The following MACF1 variants were observed in gnomAD, a reference collection of about 807,000 sequenced individuals.
The protein encoded by MACF1 is microtubule actin crosslinking factor 1, also known as microtubule-actin cross-linking factor 1.
In MACF1, 193 loss-of-function variants were observed where a neutral mutation model predicts 854.8. That is an observed-to-expected ratio of 0.23 (90% CI 0.20 to 0.25). The LOEUF is 0.25. Ranked by LOEUF, MACF1 falls within the 10% of genes least tolerant of loss-of-function variation. The pLI, the probability that MACF1 is intolerant of heterozygous loss-of-function variation, is 1.00. For missense variants in MACF1, 7,722 were observed against 8,929.1 expected, an observed-to-expected ratio of 0.86 and a Z score of 5.45; for synonymous variants, 3,185 against 3,226.7, an observed-to-expected ratio of 0.99 and a Z score of 0.44.
chr1:39,247,753 C>T lies in MACF1; in HGVS notation c.172-2261C>T, dbSNP rs983630936. 1.2e-3 allele frequency among the ~76,000 whole-genome samples: 182 copies of T among 152,248 alleles called. 1 individual carries two copies. Among genetic ancestry groups the T allele is most frequent in the Non-Finnish European group, 1.5e-4 (10 of 68,016 alleles). On this transcript the variant is annotated intron_variant, in intron 2 of 100. Coordinates refer to ENST00000564288, the MANE Select transcript of MACF1 (RefSeq NM_001394062.1). ...TGCAGATTAAATTTAAAAGTGTGGG[C>T]CGGGTGTGGTGGCTCACGCCTGTAA... is the stretch of plus-strand genomic sequence containing the variant.
intron 98 of MACF1, 142 bp downstream of exon 98, chr1:39,480,151 A>C (rs896715581): frequency 1.4e-5 from 10 of 721,280 alleles, no homozygotes; most frequent in African/African-American, 5.2e-5. Context: ...ATAAAACGTG[A>C]AAACACACAG....
At chr1:39,163,879 T>C (rs929812907) in intron 2 of MACF1, among the ~76,000 whole-genome samples, 12 of 152,234 alleles carry the variant, frequency 7.9e-5, no homozygotes, top group African/African-American at 2.4e-4. Context: ...GACTACATTG[T>C]CCTTATAGAA....
chr1:39,192,764 T>A (rs1247544922), intron 2 of MACF1, among the ~76,000 whole-genome samples: 1 of 152,250 alleles, frequency 6.6e-6, no homozygotes, highest in Non-Finnish European at 1.5e-5. Context: ...TATTGTGACA[T>A]CTTTGTATAT....
chr1:39,143,500 G>A (rs2148187180), intron 2 of MACF1, among the ~76,000 whole-genome samples: 1 of 152,260 alleles, frequency 6.6e-6, no homozygotes, highest in Non-Finnish European at 1.5e-5. Context: ...TGAGGTAAGG[G>A]CTCAAGGATT....
chr1:39,172,212 A>C (rs1306531408), intron 2 of MACF1, among the ~76,000 whole-genome samples: 2 of 152,208 alleles, frequency 1.3e-5, no homozygotes, highest in Admixed American at 6.5e-5. Flanking sequence ...TTGCAAAATA[A>C]GACCATGTTA....
intron 63 of MACF1, 50 bp downstream of exon 63, chr1:39,428,337 T>C (rs1286252782): frequency 1.4e-6 from 2 of 1,462,850 alleles, no homozygotes; most frequent in Non-Finnish European, 1.8e-6. Flanking sequence ...TATTTTGTTA[T>C]TTTGATTCAT....
intron 2 of MACF1, among the ~76,000 whole-genome samples, chr1:39,104,749 T>C (rs1642176525): frequency 6.6e-6 from 1 of 152,224 alleles, no homozygotes; most frequent in South Asian, 2.1e-4. Flanking sequence ...CTTGTTCAGC[T>C]TCTTCTGTTT....
chr1:39,393,188 A>AT (rs1365389099), intron 58 of MACF1, among the ~76,000 whole-genome samples: 3 of 88,220 alleles, frequency 3.4e-5, no homozygotes, highest in African/African-American at 1.9e-4. Context: ...GGGTAAAAAA[A>AT]AAAAAAAAAT....
intron 2 of MACF1, among the ~76,000 whole-genome samples, chr1:39,101,721 G>A (rs565845339): frequency 8.6e-5 from 13 of 151,462 alleles, no homozygotes; most frequent in African/African-American, 2.9e-4. Context: ...CTACTCGGGA[G>A]GCTGAGGCAG....
intron 2 of MACF1, among the ~76,000 whole-genome samples, chr1:39,109,964 C>G (rs974530096): frequency 5.3e-5 from 8 of 151,850 alleles, no homozygotes; most frequent in Admixed American, 2.0e-4. Flanking sequence ...ATTTCTTTTC[C>G]CCTTATTATG....
chr1:39,347,037 C>T lies in MACF1; in HGVS notation c.10642C>T (p.Gln3548Ter). 1 of 1,614,088 alleles carries T rather than the reference C, an allele frequency of 6.2e-7. No individual in the cohort carries two copies. Residue 3548 changes from glutamine (Q) to a stop codon, truncating the protein, a stop_gained, in exon 41 of 101, where the codon CAG (glutamine) becomes TAG (stop). Transcript: ENST00000564288. LOFTEE classifies it high-confidence loss of function. Reference protein sequence around the residue: ...AQLDALAFDIQFFISEHAQDL... With the variant: ...AQLDALAFDI ...GCTGGATGCTCTTGCTTTTGATATT[C>T]AGTTCTTTATCTCAGAACATGCCCA...
At chr1:39,259,897 G>A (rs1316459452) in intron 6 of MACF1, among the ~76,000 whole-genome samples, 2 of 152,160 alleles carry the variant, frequency 1.3e-5, no homozygotes, top group Admixed American at 1.3e-4. Context: ...GATTACAGGC[G>A]TGAGCCACCG....
intron 2 of MACF1, among the ~76,000 whole-genome samples, chr1:39,194,655 T>C (rs535867535): frequency 7.9e-5 from 12 of 151,836 alleles, no homozygotes; most frequent in Admixed American, 4.6e-4. Flanking sequence ...AAGTGGAATT[T>C]CTTTCTCCCT....
rs769666765 is a variant in MACF1, at chr1:39,285,648, A to G, written c.1398A>G (p.Ser466=). The G allele has an allele frequency of 6.2e-7, 1 of 1,614,086 alleles. No homozygotes were observed. Among genetic ancestry groups the G allele is most frequent in the East Asian group, 2.2e-5 (1 of 44,870 alleles). ...CAGGACAACCGGTACAATGTGAGTC[A>G]GATGTCATTATGTACATTCAGGAGT... ...LESGQPVQCE[S]DVIMYIQECE... The change falls in exon 14 of 101, where the codon TCA becomes TCG. Residue 466 remains serine, a synonymous_variant. Coordinates refer to ENST00000564288, the MANE Select transcript of MACF1 (RefSeq NM_001394062.1).
intron 2 of MACF1, among the ~76,000 whole-genome samples, chr1:39,162,816 C>T (rs1030013834): frequency 2.6e-5 from 4 of 152,058 alleles, no homozygotes; most frequent in African/African-American, 7.2e-5. Context: ...TTTCTAAAGG[C>T]GGGAACTGTG....
chr1:39,210,845 C>A (rs186575431), intron 1 of MACF1, among the ~76,000 whole-genome samples: 1 of 152,144 alleles, frequency 6.6e-6, no homozygotes, highest in East Asian at 1.9e-4. Context: ...TTTATCTGGG[C>A]CTCTGTTTTC....
At position 39,480,029 on chromosome 1, in the gene MACF1, A is replaced by G. The variant is rs1454636361; in HGVS notation, c.22170+20A>G. ...ACCAAGGTATGTACTGATCTCCATT[A>G]TGCCCTTCTTCCCCAATCCCACCCT... On this transcript the variant is annotated intron_variant, in intron 98 of 100. Coordinates refer to ENST00000564288, the MANE Select transcript of MACF1 (RefSeq NM_001394062.1). The G allele has an allele frequency of 6.7e-7, 1 of 1,496,248 alleles. No individual in the cohort carries two copies. Among genetic ancestry groups the G allele is most frequent in the South Asian group, 1.2e-5 (1 of 86,706 alleles). 92.7% of individuals were successfully genotyped at this position (1,496,248 alleles called of 1,614,324 possible).
chr1:39,220,981 A>T (rs1275880070), intron 1 of MACF1, among the ~76,000 whole-genome samples: 1 of 152,214 alleles, frequency 6.6e-6, no homozygotes, highest in East Asian at 1.9e-4. Flanking sequence ...GCAAGACTTC[A>T]GCTGGACTTT....
chr1:39,275,357 C>T (rs184449352), intron 6 of MACF1, among the ~76,000 whole-genome samples: 157 of 152,146 alleles, frequency 1.0e-3, no homozygotes, highest in Admixed American at 2.1e-3. Flanking sequence ...GCTGGAATTA[C>T]GGTGTGAGCC....
Sources: gnomAD v4.1 joint callset for allele counts (sites outside exome capture counted in the v4.1 genomes callset) on GRCh38, gnomAD v4.1.1 for gene constraint, MANE v1.5 for transcripts, NCBI Gene and HGNC (gene_info 2026-07-23, HGNC 2026-07-21) for gene names.